The following PCDHGA4 variants were observed in gnomAD, a reference collection of about 807,000 sequenced individuals.
The protein encoded by PCDHGA4 is protocadherin gamma-A4.
PCDHGA4 carries 38 observed loss-of-function variants against 54.6 expected under a neutral mutation model. The observed-to-expected ratio is 0.70, with a 90% confidence interval of 0.54 to 0.91. PCDHGA4 has a LOEUF of 0.91. Ranked by LOEUF, PCDHGA4 falls within the 40% of genes least tolerant of loss-of-function variation. The pLI is 0.00. For missense variants in PCDHGA4, 1,298 were observed against 1,220.9 expected (o/e 1.06, Z -0.94); for synonymous variants, 511 against 512.9 (o/e 1.00, Z 0.05).
At chr5:141,469,081 A>C (rs1451214440) in intron 1 of PCDHGA4, among the ~76,000 whole-genome samples, 1 of 151,790 alleles carries the variant, frequency 6.6e-6, no homozygotes, top group Non-Finnish European at 1.5e-5. Context: ...GTTTGAGACC[A>C]TTCTAGGCAA....
rs1035125527 is a variant in PCDHGA4, at chr5:141,485,059, C to T, written c.2515-9748C>T. The T allele has an allele frequency of 7.0e-6, 6 of 858,958 alleles. No homozygotes were observed. The highest frequency in any genetic ancestry group is 2.4e-5 in the East Asian group (1 of 40,854). 53.2% of individuals were successfully genotyped at this position (858,958 alleles called of 1,614,324 possible). A position where few individuals can be genotyped will look rare whatever the true frequency, so the allele number is the denominator to read the frequency against. ...AACCCTTGCGGCGCCGGCCGAACCG[C>T]GCCAGAGCTGGCGCGGGGAAAGGGA... On this transcript the variant is annotated intron_variant, in intron 1 of 3. Coordinates refer to ENST00000571252, the MANE Select transcript of PCDHGA4 (RefSeq NM_018917.4). This position sits in a 1 kb window ranked among gnomAD's most constrained non-coding sequence, Gnocchi z 5.7.
Position 141,371,610 on chromosome 5 carries a change from A to G in PCDHGA4, c.2514+13989A>G, listed in dbSNP as rs1767883802. 2.5e-6 allele frequency: 4 copies of G among 1,613,888 alleles called. No homozygotes were observed. In the East Asian group the frequency reaches 8.9e-5, roughly 36 times the overall value. On this transcript the variant is annotated intron_variant, in intron 1 of 3. Coordinates refer to ENST00000571252, the MANE Select transcript of PCDHGA4 (RefSeq NM_018917.4). ...TACCAAAAACACATACAGGTTGGTG[A>G]CAGATGGAGCCCTGGACCGGGAGCA...
intron 1 of PCDHGA4, chr5:141,385,702 C>A: frequency 3.6e-6 from 1 of 278,020 alleles, no homozygotes; most frequent in Non-Finnish European, 5.7e-6. Context: ...TTCTCTTTAG[C>A]ATTCAAATAT....
In PCDHGA4 at chr5:141,355,102, C is replaced by A; in HGVS notation, c.-6C>A. 6.7e-7 allele frequency: 1 copy of A among 1,501,220 alleles called. No homozygotes were observed. The highest frequency in any genetic ancestry group is 2.5e-4 in the Middle Eastern group (1 of 3,946). 93.0% of individuals were successfully genotyped at this position (1,501,220 alleles called of 1,614,324 possible). On this transcript the variant is annotated 5_prime_UTR_variant, in exon 1 of 4. In the 5' UTR this introduces an upstream ATG that the reference lacks. Coordinates refer to ENST00000571252, the MANE Select transcript of PCDHGA4 (RefSeq NM_018917.4). The stretch of plus-strand genomic sequence containing the variant: ...CAAGCGGAAGCCCTGAGAGCTCTGG[C>A]TGTGAATGCACTTTATTTTGGACCC...
chr5:141,477,262 C>A lies in PCDHGA4; in HGVS notation c.2515-17545C>A, dbSNP rs60063068. 1.2e-5 allele frequency: 19 copies of A among 1,614,020 alleles called. No homozygotes were observed. The East Asian group carries it at 4.2e-4, about 36-fold the overall frequency. On this transcript the variant is annotated intron_variant, in intron 1 of 3. Transcript: ENST00000571252. This position sits in a 1 kb window ranked among gnomAD's most constrained non-coding sequence, Gnocchi z 4.9. ...TCAGTGTGACTGACCTGGATGCTGG[C>A]GAGAACGGGCTGGTGACCTGCGAAG...
intron 1 of PCDHGA4, chr5:141,360,948 A>G (rs1375491935): frequency 3.1e-6 from 5 of 1,613,966 alleles, no homozygotes; most frequent in Non-Finnish European, 4.2e-6. Context: ...ACCGGGATGA[A>G]GGCATAAACG....
intron 1 of PCDHGA4, chr5:141,398,887 A>T: frequency 6.2e-7 from 1 of 1,613,976 alleles, no homozygotes; most frequent in Non-Finnish European, 8.5e-7. Context: ...CCTTCGGGAA[A>T]ACGTGCCACC....
intron 1 of PCDHGA4, chr5:141,398,820 G>T (rs1376527266): frequency 1.2e-6 from 2 of 1,613,854 alleles, no homozygotes; most frequent in African/African-American, 2.7e-5. Flanking sequence ...TCCGGATCCA[G>T]GTAACCGACG....
chr5:141,494,643 AG>A, intron 1 of PCDHGA4, 163 bp from the exon 2 acceptor site: 1 of 928,048 alleles, frequency 1.1e-6, no homozygotes, highest in Non-Finnish European at 1.3e-6. Flanking sequence ...CTGAGACCTG[AG>A]GTGTATTTTG....
chr5:141,417,663 C>T (rs2096144136), intron 1 of PCDHGA4: 8 of 901,900 alleles, frequency 8.9e-6, no homozygotes, highest in Non-Finnish European at 1.3e-5. Flanking sequence ...CCTGGGATTC[C>T]CTGCGCAGCC....
chr5:141,360,524 C>A (rs750300207), intron 1 of PCDHGA4: 2 of 1,613,860 alleles, frequency 1.2e-6, no homozygotes, highest in Non-Finnish European at 8.5e-7. Flanking sequence ...AATGATAATA[C>A]CCCGCTATTC....
At position 141,485,675 on chromosome 5, in the gene PCDHGA4, A is replaced by C. The variant is rs1562106929; in HGVS notation, c.2515-9132A>C. 6.2e-7 allele frequency: 1 copy of C among 1,613,068 alleles called. No homozygotes were observed. The highest frequency in any genetic ancestry group is 8.5e-7 in the Non-Finnish European group (1 of 1,179,150). On this transcript the variant is annotated intron_variant, in intron 1 of 3. Coordinates refer to ENST00000571252, the MANE Select transcript of PCDHGA4 (RefSeq NM_018917.4). The surrounding 1 kb of genome is among the most constrained non-coding windows in gnomAD (Gnocchi z 5.7). ...TGCAGATGTGGGGAGCAATTCGATT[A>C]GCAGCTATAGGCTGAGCTCCAATGA...
At chr5:141,415,352 C>T in intron 1 of PCDHGA4, 1 of 1,614,228 alleles carries the variant, frequency 6.2e-7, no homozygotes, top group Non-Finnish European at 8.5e-7. Context: ...TGGCACAAGT[C>T]ACGCCTGCTG....
In PCDHGA4 at chr5:141,490,498, T is replaced by C. The variant is rs544031284; in HGVS notation, c.2515-4309T>C. On this transcript the variant is annotated intron_variant, in intron 1 of 3. Coordinates refer to ENST00000571252, the MANE Select transcript of PCDHGA4 (RefSeq NM_018917.4). This position sits in a 1 kb window ranked among gnomAD's most constrained non-coding sequence, Gnocchi z 5.4. ...TTTGGACCGGGAGGCCACATCCCAC[T>C]ATATCATCGAGCTGCTGGCCAGCGA... 1.2e-6 allele frequency: 2 copies of C among 1,614,132 alleles called. No individual in the cohort carries two copies. Among genetic ancestry groups the C allele is most frequent in the African/African-American group, 1.3e-5 (1 of 75,038 alleles).
At chr5:141,505,341 A>G in intron 2 of PCDHGA4, 52 bp from the exon 3 acceptor site, 3 of 1,612,728 alleles carry the variant, frequency 1.9e-6, no homozygotes, top group Non-Finnish European at 2.5e-6. Context: ...CAGGAGGGGC[A>G]TGAGCTGTGC....
At chr5:141,410,736 A>G (rs553799279) in intron 1 of PCDHGA4, 1 of 1,334,690 alleles carries the variant, frequency 7.5e-7, no homozygotes, top group East Asian at 2.4e-5. Flanking sequence ...ATAGCTTTTT[A>G]CAATATTTTC....
At chr5:141,446,942 G>C (rs1252429052) in intron 1 of PCDHGA4, among the ~76,000 whole-genome samples, 1 of 152,058 alleles carries the variant, frequency 6.6e-6, no homozygotes, top group Non-Finnish European at 1.5e-5. Flanking sequence ...TTCACTGTAA[G>C]AAACATCCAG....
At position 141,491,725 on chromosome 5, in the gene PCDHGA4, G is replaced by A. The variant is rs1008933711; in HGVS notation, c.2515-3082G>A. The A allele has an allele frequency of 6.2e-7, 1 of 1,606,496 alleles. No homozygotes were observed. The highest frequency in any genetic ancestry group is 1.3e-5 in the African/African-American group (1 of 74,728). On this transcript the variant is annotated intron_variant, in intron 1 of 3. Coordinates refer to ENST00000571252, the MANE Select transcript of PCDHGA4 (RefSeq NM_018917.4). The surrounding 1 kb of genome is among the most constrained non-coding windows in gnomAD (Gnocchi z 6.9). ...GGTGAGGGGCTCGGCGCCGCCCCGGGCGACCCCTGGGGGCGGCACTGGAGA... is the reference window on the plus strand; with the variant it reads ...GGTGAGGGGCTCGGCGCCGCCCCGGACGACCCCTGGGGGCGGCACTGGAGA...
At position 141,356,784 on chromosome 5, in the gene PCDHGA4, G is replaced by A; in HGVS notation, c.1677G>A (p.Leu559=). ...TCGACTATGAGCAGTTTAGAGACCT[G>A]CAGCTGCTGATGACAGCCAGTGACA... ...CSFDYEQFRD[L]QLLMTASDSG... is the part of the protein sequence containing the mutation. Residue 559 remains leucine (L), a synonymous_variant, in exon 1 of 4, where the codon CTG becomes CTA. Transcript: ENST00000571252. 6.2e-7 allele frequency: 1 copy of A among 1,613,948 alleles called. No individual in the cohort carries two copies. Among genetic ancestry groups the A allele is most frequent in the East Asian group, 2.2e-5 (1 of 44,872 alleles).
Sources: allele counts gnomAD v4.1 joint callset (sites outside exome capture counted in the v4.1 genomes callset), GRCh38; gene constraint gnomAD v4.1.1; non-coding constraint Gnocchi (gnomAD v3.1); transcripts MANE v1.5; gene names NCBI Gene and HGNC (gene_info 2026-07-23, HGNC 2026-07-21).